Variants in GRM8 observed in about 807,000 individuals in gnomAD.
GRM8 encodes the protein metabotropic glutamate receptor 8.
In GRM8, 47 loss-of-function variants were observed where a neutral mutation model predicts 87.2. The observed-to-expected ratio is 0.54, with a 90% confidence interval of 0.43 to 0.69. GRM8 has a LOEUF of 0.69. Ranked by LOEUF, GRM8 falls within the 30% of genes least tolerant of loss-of-function variation. The probability of loss-of-function intolerance (pLI) is 0.00; values close to 1 mark genes in which losing one functional copy is unlikely to be tolerated. For synonymous variants in GRM8, 396 were observed against 404.5 expected (o/e 0.98, Z 0.25); for missense variants, 1,019 against 1,139.2 (o/e 0.89, Z 1.52).
At position 127,212,619 on chromosome 7, in the gene GRM8, G is replaced by A. The variant is rs9691503; in HGVS notation, c.510+30076C>T. Reference sequence around the variant, plus strand: ...TTTTTAGTAGAGACGGGGTTTCACCGTTTTAGCCGGGATGGTCTCGATCTC... The same window carrying A: ...TTTTTAGTAGAGACGGGGTTTCACCATTTTAGCCGGGATGGTCTCGATCTC... On this transcript the variant is annotated intron_variant, in intron 2 of 10. Transcript: ENST00000339582. 3.3e-3 allele frequency among the ~76,000 whole-genome samples: 500 copies of A among 151,754 alleles called. 2 individuals carry two copies. The highest frequency in any genetic ancestry group is 0.024 in the Middle Eastern group (7 of 294).
chr7:127,207,915 A>G (rs749741215), intron 2 of GRM8, among the ~76,000 whole-genome samples: 1 of 152,172 alleles, frequency 6.6e-6, no homozygotes, highest in Non-Finnish European at 1.5e-5. Flanking sequence ...TTCTGTTCCA[A>G]CTGCCACAAG....
chr7:126,917,980 T>C (rs1804102008), intron 3 of GRM8, among the ~76,000 whole-genome samples: 1 of 152,214 alleles, frequency 6.6e-6, no homozygotes, highest in South Asian at 2.1e-4. Context: ...CTGAGCTCTC[T>C]GTTAGAATCT....
chr7:127,138,962 A>G (rs1486537712), intron 2 of GRM8, among the ~76,000 whole-genome samples: 2 of 152,150 alleles, frequency 1.3e-5, no homozygotes, highest in South Asian at 2.1e-4. Context: ...ATATTATTTA[A>G]TCCTCACAAC....
chr7:126,666,455 G>A (rs1229150720), intron 7 of GRM8, among the ~76,000 whole-genome samples: 1 of 152,042 alleles, frequency 6.6e-6, no homozygotes. Flanking sequence ...AATAATAAGA[G>A]AAAATATGAG....
chr7:126,539,848 A>T (rs1366179900), intron 8 of GRM8, among the ~76,000 whole-genome samples: 1 of 152,112 alleles, frequency 6.6e-6, no homozygotes. Context: ...TTAAAAACTC[A>T]TAGAAGAAAA....
At chr7:126,653,844 T>C (rs923640402) in intron 7 of GRM8, among the ~76,000 whole-genome samples, 18 of 152,340 alleles carry the variant, frequency 1.2e-4, no homozygotes, top group African/African-American at 4.1e-4. Context: ...ACAGAGCCTA[T>C]CCTGGTAATA....
At chr7:126,568,449 A>G (rs1794427919) in intron 8 of GRM8, among the ~76,000 whole-genome samples, 1 of 152,138 alleles carries the variant, frequency 6.6e-6, no homozygotes, top group Admixed American at 6.6e-5. Context: ...TTAGCATACA[A>G]AACATCTGGG....
At position 126,909,994 on chromosome 7, in the gene GRM8, T is replaced by G. The variant is rs1469754632; in HGVS notation, c.728-5311A>C. On this transcript the variant is annotated intron_variant, in intron 3 of 10. Coordinates refer to ENST00000339582, the MANE Select transcript of GRM8 (RefSeq NM_000845.3). ...GATTGATGGATAAGATAAAGCAAAT[T>G]TAAAGACTCTTTTTTTTTTTAAAAC... is the stretch of plus-strand genomic sequence containing the variant. 3.4e-5 allele frequency among the ~76,000 whole-genome samples: 5 copies of G among 145,426 alleles called. No homozygotes were observed. The Admixed American group carries it at 3.5e-4, about 10-fold the overall frequency.
At position 126,649,947 on chromosome 7, in the gene GRM8, G is replaced by A. The variant is rs145315169; in HGVS notation, c.1358-40449C>T. Among the ~76,000 whole-genome samples the A allele has an allele frequency of 3.7e-4, 57 of 152,306 alleles. 1 individual carries two copies. The highest frequency in any genetic ancestry group is 1.1e-3 in the African/African-American group (45 of 41,574). ...TGGAGCCTTTGGCAGGCTCCCACAG[G>A]TGAATCACAGCAGAGGCCTCTAGGA... On this transcript the variant is annotated intron_variant, in intron 7 of 10. Transcript: ENST00000339582.
chr7:126,506,600 TA>T (rs1810505661), intron 9 of GRM8, among the ~76,000 whole-genome samples: 1 of 151,770 alleles, frequency 6.6e-6, no homozygotes, highest in Non-Finnish European at 1.5e-5. Context: ...GCCAACATGG[TA>T]AAACCCTTTC....
intron 3 of GRM8, among the ~76,000 whole-genome samples, chr7:127,087,752 AAG>A (rs1204654626): frequency 6.6e-6 from 1 of 152,246 alleles, no homozygotes; most frequent in African/African-American, 2.4e-5. Flanking sequence ...GCTTATGTTT[AAG>A]ACTTTTTACC....
intron 8 of GRM8, among the ~76,000 whole-genome samples, chr7:126,605,535 C>T (rs1480325249): frequency 6.6e-6 from 1 of 152,104 alleles, no homozygotes; most frequent in African/African-American, 2.4e-5. Flanking sequence ...GTTCAATCCA[C>T]TAAGAGATAT....
chr7:126,752,667 A>G (rs1000782036), intron 7 of GRM8, among the ~76,000 whole-genome samples: 1 of 152,098 alleles, frequency 6.6e-6, no homozygotes, highest in Non-Finnish European at 1.5e-5. Flanking sequence ...GAAATAATAT[A>G]CTTTTTAGCA....
chr7:127,061,408 T>C (rs932561174), intron 3 of GRM8, among the ~76,000 whole-genome samples: 2 of 152,236 alleles, frequency 1.3e-5, no homozygotes, highest in African/African-American at 4.8e-5. Flanking sequence ...TAGCTCATCA[T>C]TTTTAACCAA....
At chr7:126,650,001 C>T (rs1454472125) in intron 7 of GRM8, among the ~76,000 whole-genome samples, 1 of 152,212 alleles carries the variant, frequency 6.6e-6, no homozygotes. Flanking sequence ...CCATCTCCTG[C>T]AGATAACTAC....
At chr7:127,122,720 T>C (rs1035320490) in intron 2 of GRM8, among the ~76,000 whole-genome samples, 2 of 151,826 alleles carry the variant, frequency 1.3e-5, no homozygotes, top group Non-Finnish European at 2.9e-5. Context: ...AACAAATAAA[T>C]AGAAAGTAGG....
chr7:126,903,675 GTATATATATATGTATATGTGTA>G lies in GRM8; in HGVS notation c.1018+275_1018+296del, dbSNP rs1563300494. On this transcript the variant is annotated intron_variant, in intron 5 of 10. Coordinates refer to ENST00000339582, the MANE Select transcript of GRM8 (RefSeq NM_000845.3). ...TATGTGTATATATATATGTATATGT[GTATATATATATGTATATGTGTA>G]TATATATATGTATATGTGTATATAT... 1.1e-4 allele frequency among the ~76,000 whole-genome samples: 14 copies of G among 128,900 alleles called. 1 individual carries two copies. The highest frequency in any genetic ancestry group is 3.8e-4 in the African/African-American group (13 of 34,366). The allele number at this position is 128,900 out of a possible 152,430, so 84.6% of individuals were successfully genotyped here. A position where few individuals can be genotyped will look rare whatever the true frequency, so the allele number is the denominator to read the frequency against.
chr7:127,000,857 T>A (rs1449843853), intron 3 of GRM8, among the ~76,000 whole-genome samples: 1 of 151,696 alleles, frequency 6.6e-6, no homozygotes, highest in Non-Finnish European at 1.5e-5. Flanking sequence ...GCAAATTTTA[T>A]ATTTTTTTTA....
chr7:126,465,999 G>A (rs975405440), intron 9 of GRM8, among the ~76,000 whole-genome samples: 1 of 151,788 alleles, frequency 6.6e-6, no homozygotes, highest in Non-Finnish European at 1.5e-5. Context: ...TGCTTAGTTT[G>A]CTAATAATGC....
Sources: gnomAD v4.1 joint callset for allele counts (sites outside exome capture counted in the v4.1 genomes callset) on GRCh38, gnomAD v4.1.1 for gene constraint, MANE v1.5 for transcripts, NCBI Gene and HGNC (gene_info 2026-07-23, HGNC 2026-07-21) for gene names.